The following MACROD2 variants were observed in gnomAD, a reference collection of about 807,000 sequenced individuals.
MACROD2 encodes mono-ADP ribosylhydrolase 2, also known as ADP-ribose glycohydrolase MACROD2.
Under a neutral mutation model 70.4 loss-of-function variants are expected in MACROD2, and 36 were observed. That is an observed-to-expected ratio of 0.51 (90% CI 0.39 to 0.68). The LOEUF (loss-of-function observed/expected upper bound fraction) is 0.68, where lower values mean the gene tolerates loss of function less well. Ranked by LOEUF, MACROD2 falls within the 30% of genes least tolerant of loss-of-function variation. MACROD2 has a pLI of 0.00. For missense variants in MACROD2, 496 were observed against 538.4 expected (o/e 0.92, Z 0.78); for synonymous variants, 172 against 178.8 (o/e 0.96, Z 0.30).
intron 10 of MACROD2, among the ~76,000 whole-genome samples, chr20:15,919,193 A>G (rs1417558374): frequency 6.6e-6 from 1 of 152,234 alleles, no homozygotes; most frequent in Non-Finnish European, 1.5e-5. Flanking sequence ...GGCAGAAAGA[A>G]CAAAGAACAT....
intron 5 of MACROD2, among the ~76,000 whole-genome samples, chr20:14,901,948 A>G (rs1307971933): frequency 6.6e-6 from 1 of 152,154 alleles, no homozygotes; most frequent in African/African-American, 2.4e-5. Flanking sequence ...CTTGAAGTCT[A>G]TGTCAAAGCT....
chr20:14,861,503 T>C (rs2073316583), intron 5 of MACROD2, among the ~76,000 whole-genome samples: 1 of 152,090 alleles, frequency 6.6e-6, no homozygotes. Context: ...CTTCCTCTCC[T>C]ACTCTCTGAT....
At chr20:14,710,058 T>C (rs967268156) in intron 5 of MACROD2, among the ~76,000 whole-genome samples, 1 of 152,182 alleles carries the variant, frequency 6.6e-6, no homozygotes, top group Non-Finnish European at 1.5e-5. Flanking sequence ...TGATACTGAA[T>C]CTAATATAAA....
chr20:15,157,480 C>T (rs953539627), intron 5 of MACROD2, among the ~76,000 whole-genome samples: 1 of 151,648 alleles, frequency 6.6e-6, no homozygotes, highest in African/African-American at 2.4e-5. Flanking sequence ...GTTATGTGAA[C>T]CTGTTGTGTT....
intron 4 of MACROD2, among the ~76,000 whole-genome samples, chr20:14,524,066 T>G (rs1009199000): frequency 6.6e-6 from 1 of 152,192 alleles, no homozygotes; most frequent in Non-Finnish European, 1.5e-5. Flanking sequence ...TGCTTATAGG[T>G]TATAGCTAGG....
chr20:16,041,377 C>T, intron 16 of MACROD2, 99 bp downstream of exon 16: 3 of 962,284 alleles, frequency 3.1e-6, no homozygotes, highest in Non-Finnish European at 4.6e-6. Flanking sequence ...TATAAAGCAA[C>T]ATATTTGGTT....
At chr20:15,159,048 C>T (rs970973016) in intron 5 of MACROD2, among the ~76,000 whole-genome samples, 25 of 152,088 alleles carry the variant, frequency 1.6e-4, no homozygotes, top group African/African-American at 6.0e-4. Flanking sequence ...GAGGAAATTT[C>T]TTCTTCCTTT....
chr20:15,598,860 A>G (rs2048779721), intron 8 of MACROD2, among the ~76,000 whole-genome samples: 1 of 152,208 alleles, frequency 6.6e-6, no homozygotes, highest in Admixed American at 6.5e-5. Context: ...TTCATACTAC[A>G]AAATTAGTCA....
chr20:14,519,369 AC>A (rs1157395856), intron 4 of MACROD2, among the ~76,000 whole-genome samples: 1 of 152,134 alleles, frequency 6.6e-6, no homozygotes, highest in Non-Finnish European at 1.5e-5. Flanking sequence ...GGTTTTTAGA[AC>A]CTAGAACACC....
At chr20:13,997,201 T>C (rs546907948) in intron 1 of MACROD2, among the ~76,000 whole-genome samples, 1 of 152,306 alleles carries the variant, frequency 6.6e-6, no homozygotes, top group Non-Finnish European at 1.5e-5. Context: ...TAATTATGGG[T>C]TTATAGAGAG....
intron 3 of MACROD2, among the ~76,000 whole-genome samples, chr20:14,112,219 TAG>T (rs2054460528): frequency 6.6e-6 from 1 of 151,290 alleles, no homozygotes; most frequent in East Asian, 1.9e-4. Context: ...CTGGGAAGGG[TAG>T]TGGGGGGTTG....
chr20:14,683,310 G>A (rs533795832), intron 4 of MACROD2, among the ~76,000 whole-genome samples: 45 of 152,244 alleles, frequency 3.0e-4, no homozygotes, highest in African/African-American at 1.0e-3. Context: ...TGCCTTCCAT[G>A]CACAAAATTA....
At chr20:15,227,748 G>A (rs1217429964) in intron 5 of MACROD2, among the ~76,000 whole-genome samples, 8 of 146,092 alleles carry the variant, frequency 5.5e-5, no homozygotes, top group African/African-American at 1.8e-4. Flanking sequence ...TCCTGGAGAC[G>A]CACAACTCCT....
intron 8 of MACROD2, among the ~76,000 whole-genome samples, chr20:15,585,740 G>A (rs1462143601): frequency 6.8e-6 from 1 of 147,570 alleles, no homozygotes; most frequent in African/African-American, 2.5e-5. Flanking sequence ...TTTGTTGGTT[G>A]CCTTCTTTTC....
chr20:14,980,349 G>A (rs932407147), intron 5 of MACROD2, among the ~76,000 whole-genome samples: 2 of 152,038 alleles, frequency 1.3e-5, no homozygotes, highest in African/African-American at 4.8e-5. Flanking sequence ...CTCCCCACAT[G>A]ATGCCTTGTC....
At chr20:14,650,097 C>T (rs1296242894) in intron 4 of MACROD2, among the ~76,000 whole-genome samples, 6 of 152,134 alleles carry the variant, frequency 3.9e-5, no homozygotes, top group African/African-American at 1.2e-4. Context: ...CTTAACACAT[C>T]CTACTATCAA....
intron 5 of MACROD2, among the ~76,000 whole-genome samples, chr20:14,724,857 G>A (rs576359815): frequency 5.3e-5 from 8 of 152,264 alleles, no homozygotes; most frequent in African/African-American, 1.9e-4. Context: ...TTGTGAGGAG[G>A]AAGCACCATG....
At chr20:14,708,734 C>T (rs918525184) in intron 5 of MACROD2, among the ~76,000 whole-genome samples, 4 of 152,162 alleles carry the variant, frequency 2.6e-5, no homozygotes, top group East Asian at 1.9e-4. Flanking sequence ...TCTCCTGCCT[C>T]AGCCTCCCGA....
intron 3 of MACROD2, among the ~76,000 whole-genome samples, chr20:14,415,721 G>A (rs574443345): frequency 1.4e-3 from 207 of 152,282 alleles, no homozygotes; most frequent in African/African-American, 4.9e-3. Context: ...TGATTAAGCC[G>A]ATAAGCTGGT....
Sources: gnomAD v4.1 joint callset for allele counts (sites outside exome capture counted in the v4.1 genomes callset) on GRCh38, gnomAD v4.1.1 for gene constraint, MANE v1.5 for transcripts, NCBI Gene and HGNC (gene_info 2026-07-23, HGNC 2026-07-21) for gene names.